The following GPATCH2 variants were observed in gnomAD, a reference collection of about 807,000 sequenced individuals.
The protein encoded by GPATCH2 is G-patch domain containing 2.
In GPATCH2, 51 loss-of-function variants were observed where a neutral mutation model predicts 58.0. That is an observed-to-expected ratio of 0.88 (90% CI 0.70 to 1.11). The LOEUF (loss-of-function observed/expected upper bound fraction) is 1.11. Among genes scored for constraint, GPATCH2 ranks in the 50% most tolerant of loss-of-function variants. The pLI is 0.00. For missense variants in GPATCH2, 625 were observed against 652.2 expected (o/e 0.96, Z 0.45); for synonymous variants, 222 against 218.5 (o/e 1.02, Z -0.14).
At chr1:217,442,862 T>G (rs1199682707) in intron 9 of GPATCH2, among the ~76,000 whole-genome samples, 1 of 152,180 alleles carries the variant, frequency 6.6e-6, no homozygotes, top group Non-Finnish European at 1.5e-5. Context: ...CCTAGATTTA[T>G]TTTTACTATA....
At chr1:217,610,558 C>T (rs1558523727) in intron 4 of GPATCH2, among the ~76,000 whole-genome samples, 158 bp from the exon 5 acceptor site, 2 of 152,146 alleles carry the variant, frequency 1.3e-5, no homozygotes, top group Non-Finnish European at 2.9e-5. Context: ...CTTAAAAAAA[C>T]TGAAGCAATG....
chr1:217,448,247 AT>A (rs1659484238), intron 9 of GPATCH2, among the ~76,000 whole-genome samples: 5 of 151,846 alleles, frequency 3.3e-5, no homozygotes, highest in Admixed American at 3.3e-4. Context: ...TAGGAATCTT[AT>A]TTTCATAGTC....
chr1:217,433,152 C>T (rs953822631), intron 9 of GPATCH2, among the ~76,000 whole-genome samples: 15 of 151,424 alleles, frequency 9.9e-5, no homozygotes, highest in African/African-American at 3.6e-4. Flanking sequence ...TCCCCAACTA[C>T]AAAAAAAAGT....
rs528105610 is a variant in GPATCH2, at chr1:217,481,848, G to A, written c.1277+9832C>T. Among the ~76,000 whole-genome samples, 65 of 152,118 alleles carry A rather than the reference G, an allele frequency of 4.3e-4. No individual in the cohort carries two copies. In the South Asian group the frequency reaches 0.013, roughly 30 times the overall value. Reference sequence around the variant, plus strand: ...TGCACTTTAGCCTGAAAGACAGAGTGAGACCCTGCCTCAAAAAGCCCAAAA... The same window carrying A: ...TGCACTTTAGCCTGAAAGACAGAGTAAGACCCTGCCTCAAAAAGCCCAAAA... On this transcript the variant is annotated intron_variant, in intron 8 of 9. Coordinates refer to ENST00000366935, the MANE Select transcript of GPATCH2 (RefSeq NM_018040.5).
rs753683381 is a variant in GPATCH2 at position 217,614,158 on chromosome 1, T to C, written c.818A>G (p.Asn273Ser). The part of the protein sequence containing the change: ...LSSTDAGLFT[N>S]DEGRQGDDEQ... ...TTCAGTACCTTGTCTTCCCTCATCA[T>C]TGGTAAACAATCCAGCATCAGTGCT... The change falls in exon 3 of 10, where the codon AAT becomes AGT. Residue 273 changes from asparagine (N) to serine (S), a missense_variant. Asn to Ser is a conservative substitution (Grantham distance 46). Coordinates refer to ENST00000366935, the MANE Select transcript of GPATCH2 (RefSeq NM_018040.5). The C allele has an allele frequency of 2.6e-5, 41 of 1,574,322 alleles. No individual in the cohort carries two copies. Among genetic ancestry groups the C allele is most frequent in the Non-Finnish European group, 3.4e-5 (39 of 1,144,052 alleles).
intron 8 of GPATCH2, among the ~76,000 whole-genome samples, chr1:217,459,900 C>G (rs1327122746): frequency 6.6e-6 from 1 of 152,092 alleles, no homozygotes; most frequent in East Asian, 1.9e-4. Flanking sequence ...AAGCCAAGCT[C>G]TAAGTTCCGT....
rs926662437 is a variant in GPATCH2 at position 217,428,861 on chromosome 1, C to T, written c.*2284G>A. 2.0e-5 allele frequency: 3 copies of T among 152,176 alleles called. No homozygotes were observed. Among genetic ancestry groups the T allele is most frequent in the Non-Finnish European group, 4.4e-5 (3 of 68,032 alleles). 9.4% of individuals were successfully genotyped at this position (152,176 alleles called of 1,614,324 possible). ...TCCAGAACAGCAACAATAAAGAGCA[C>T]TCATAAGGACTGCAATATTTAATGA... On this transcript the variant is annotated 3_prime_UTR_variant, in exon 10 of 10. Transcript: ENST00000366935.
At chr1:217,496,996 C>T (rs531455326) in intron 7 of GPATCH2, among the ~76,000 whole-genome samples, 102 of 152,154 alleles carry the variant, frequency 6.7e-4, no homozygotes, top group Non-Finnish European at 1.2e-3. Flanking sequence ...CAATTTCTTC[C>T]CTATAAGGTA....
At chr1:217,442,568 AT>A (rs1571706940) in intron 9 of GPATCH2, among the ~76,000 whole-genome samples, 1 of 152,202 alleles carries the variant, frequency 6.6e-6, no homozygotes, top group African/African-American at 2.4e-5. Context: ...TTAAGGTTTT[AT>A]TCTATTCACA....
At chr1:217,434,918 T>C (rs991390931) in intron 9 of GPATCH2, among the ~76,000 whole-genome samples, 5 of 152,090 alleles carry the variant, frequency 3.3e-5, no homozygotes, top group African/African-American at 1.2e-4. Flanking sequence ...CAATATAACA[T>C]AAAACAAAGC....
chr1:217,552,932 C>G (rs1035750490), intron 5 of GPATCH2, among the ~76,000 whole-genome samples: 2 of 152,192 alleles, frequency 1.3e-5, no homozygotes, highest in Non-Finnish European at 2.9e-5. Flanking sequence ...GAAGTCTTAC[C>G]TTTTAATCAT....
chr1:217,593,220 T>C (rs912214420), intron 5 of GPATCH2, among the ~76,000 whole-genome samples: 1 of 151,988 alleles, frequency 6.6e-6, no homozygotes, highest in Non-Finnish European at 1.5e-5. Flanking sequence ...CATTAGACCA[T>C]AGCAGAAGTG....
chr1:217,487,659 C>G (rs1374783646), intron 8 of GPATCH2, among the ~76,000 whole-genome samples: 1 of 152,128 alleles, frequency 6.6e-6, no homozygotes, highest in Non-Finnish European at 1.5e-5. Flanking sequence ...CTCCTGACCT[C>G]AGGTGTCCGC....
chr1:217,584,901 T>A (rs764966860), intron 5 of GPATCH2, among the ~76,000 whole-genome samples: 4 of 151,898 alleles, frequency 2.6e-5, no homozygotes, highest in African/African-American at 4.8e-5. Flanking sequence ...AACCGTATGC[T>A]GTCTACAAAA....
intron 6 of GPATCH2, among the ~76,000 whole-genome samples, chr1:217,503,791 A>G (rs1459191383): frequency 2.6e-5 from 4 of 152,082 alleles, no homozygotes; most frequent in Non-Finnish European, 4.4e-5. Flanking sequence ...GTTGAATTCC[A>G]GGAGGAAAAA....
At chr1:217,606,092 A>G (rs1434687850) in intron 5 of GPATCH2, among the ~76,000 whole-genome samples, 1 of 152,028 alleles carries the variant, frequency 6.6e-6, no homozygotes, top group Admixed American at 6.5e-5. Context: ...TTGCATGCAC[A>G]TGAGCATAAT....
At chr1:217,574,365 G>T (rs1666708578) in intron 5 of GPATCH2, among the ~76,000 whole-genome samples, 1 of 152,128 alleles carries the variant, frequency 6.6e-6, no homozygotes, top group South Asian at 2.1e-4. Context: ...CTACCCAAAA[G>T]AGGCCTTGAA....
intron 8 of GPATCH2, among the ~76,000 whole-genome samples, chr1:217,469,867 C>A (rs1660639843): frequency 6.6e-6 from 1 of 152,062 alleles, no homozygotes; most frequent in Non-Finnish European, 1.5e-5. Context: ...AATGATCAAG[C>A]AGCAGATGTT....
intron 2 of GPATCH2, among the ~76,000 whole-genome samples, chr1:217,616,717 C>A (rs185948093): frequency 6.6e-6 from 1 of 152,130 alleles, no homozygotes. Flanking sequence ...TCCAAAGACA[C>A]CCTTTCCTTG....
Sources: gnomAD v4.1 joint callset for allele counts (sites outside exome capture counted in the v4.1 genomes callset) on GRCh38, gnomAD v4.1.1 for gene constraint, MANE v1.5 for transcripts, NCBI Gene and HGNC (gene_info 2026-07-23, HGNC 2026-07-21) for gene names.